Variants in KIF26B observed in about 807,000 individuals in gnomAD.
KIF26B encodes kinesin family member 26B, also known as kinesin-like protein KIF26B.
In KIF26B, 63 loss-of-function variants were observed where a neutral mutation model predicts 151.2. The observed-to-expected ratio is 0.42, with a 90% CI of 0.34 to 0.51. The LOEUF is 0.51. KIF26B is among the 20% of genes least tolerant of loss of function. The pLI is 0.07. For synonymous variants in KIF26B, 1,357 were observed against 1,262.1 expected (o/e 1.08, Z -1.59); for missense variants, 2,813 against 2,913.6 (o/e 0.97, Z 0.79).
intron 2 of KIF26B, among the ~76,000 whole-genome samples, chr1:245,250,417 A>C (rs1015472995): frequency 1.3e-5 from 2 of 152,180 alleles, no homozygotes; most frequent in African/African-American, 4.8e-5. Flanking sequence ...CTGTACCTTG[A>C]TTTACTTAGC....
intron 2 of KIF26B, among the ~76,000 whole-genome samples, chr1:245,161,499 C>A (rs1001606658): frequency 6.6e-6 from 1 of 152,206 alleles, no homozygotes; most frequent in Non-Finnish European, 1.5e-5. Flanking sequence ...GAGGCAACAT[C>A]AGTTGCCATT....
chr1:245,653,721 G>A (rs2044044230), intron 10 of KIF26B, among the ~76,000 whole-genome samples: 1 of 152,100 alleles, frequency 6.6e-6, no homozygotes, highest in Non-Finnish European at 1.5e-5. Context: ...GTACAACAGA[G>A]GATCAAACAT....
chr1:245,327,676 G>T (rs1672017705), intron 2 of KIF26B, among the ~76,000 whole-genome samples: 1 of 152,196 alleles, frequency 6.6e-6, no homozygotes, highest in African/African-American at 2.4e-5. Context: ...GTCCCTGGAA[G>T]AGTCAAGAAC....
In KIF26B at chr1:245,654,508, C is replaced by A. The variant is rs374706949; in HGVS notation, c.2258+8228C>A. ...GAGGGTATCCTCTCAGAAAGCTTCA[C>A]CCTATTTCATGAGCCTTTAATAAAA... On this transcript the variant is annotated intron_variant, in intron 10 of 14. Coordinates refer to ENST00000407071, the MANE Select transcript of KIF26B (RefSeq NM_018012.4). Among the ~76,000 whole-genome samples, 14 of 152,226 alleles carry A rather than the reference C, an allele frequency of 9.2e-5. 1 individual carries two copies. The highest frequency in any genetic ancestry group is 3.9e-4 in the East Asian group (2 of 5,166).
At chr1:245,673,031 GCCATCTTA>G (rs2044308512) in intron 10 of KIF26B, among the ~76,000 whole-genome samples, 2 of 151,930 alleles carry the variant, frequency 1.3e-5, no homozygotes, top group African/African-American at 4.8e-5. Context: ...ACGGCGCGCT[GCCATCTTA>G]GGCCCAGTCC....
intron 4 of KIF26B, among the ~76,000 whole-genome samples, chr1:245,532,863 G>T (rs1661405011): frequency 6.6e-6 from 1 of 152,190 alleles, no homozygotes; most frequent in African/African-American, 2.4e-5. Flanking sequence ...GGTGAAGGTG[G>T]ATGCTCTTAT....
In KIF26B at chr1:245,684,153, G is replaced by T. The variant is rs72764846; in HGVS notation, c.2259-80G>T. On this transcript the variant is annotated intron_variant, in intron 10 of 14. Coordinates refer to ENST00000407071, the MANE Select transcript of KIF26B (RefSeq NM_018012.4). ...GACCACCACCCACAACAAAATGGCC[G>T]TGTGCAGGCCTGAAGCCCTGCCCTG... The T allele has an allele frequency of 1.9e-5, 28 of 1,465,010 alleles. No homozygotes were observed. The African/African-American group carries it at 3.5e-4, about 18-fold the overall frequency. 90.8% of individuals were successfully genotyped at this position (1,465,010 alleles called of 1,614,324 possible).
intron 3 of KIF26B, among the ~76,000 whole-genome samples, chr1:245,383,045 A>ATGTATATATATG (rs989182154): frequency 3.6e-4 from 54 of 149,256 alleles, no homozygotes; most frequent in African/African-American, 1.3e-3. Flanking sequence ...ATATGTATAT[A>ATGTATATATATG]TATATATACA....
intron 3 of KIF26B, among the ~76,000 whole-genome samples, chr1:245,396,151 ATT>A (rs1397709511): frequency 1.3e-5 from 2 of 152,134 alleles, no homozygotes; most frequent in Non-Finnish European, 2.9e-5. Context: ...GGTTTCCAAA[ATT>A]TATGAAGCCA....
chr1:245,559,388 C>A (rs185727062), intron 5 of KIF26B, among the ~76,000 whole-genome samples: 2 of 152,026 alleles, frequency 1.3e-5, no homozygotes, highest in Non-Finnish European at 2.9e-5. Context: ...GTTTTTACTA[C>A]GGTGAGTAAC....
chr1:245,539,148 CT>C (rs367884318), intron 4 of KIF26B, among the ~76,000 whole-genome samples: 6 of 152,146 alleles, frequency 3.9e-5, no homozygotes, highest in African/African-American at 1.4e-4. Context: ...TCTCTTCCCC[CT>C]GTATTTCACT....
At chr1:245,458,747 C>T (rs776966588) in intron 4 of KIF26B, among the ~76,000 whole-genome samples, 3 of 152,198 alleles carry the variant, frequency 2.0e-5, no homozygotes, top group East Asian at 3.8e-4. Flanking sequence ...TAACACGGGA[C>T]TCAGTCTTCT....
intron 10 of KIF26B, among the ~76,000 whole-genome samples, chr1:245,653,888 C>T (rs1035379101): frequency 1.3e-4 from 14 of 110,618 alleles, no homozygotes; most frequent in Admixed American, 9.5e-4. Flanking sequence ...AAGGAGACCT[C>T]GTCTCCACAA....
At chr1:245,435,480 C>G (rs1382400376) in intron 4 of KIF26B, among the ~76,000 whole-genome samples, 1 of 152,206 alleles carries the variant, frequency 6.6e-6, no homozygotes, top group Non-Finnish European at 1.5e-5. Context: ...AGTCCATTGC[C>G]TGTCTCCCTT....
chr1:245,604,362 C>T (rs2043427641), intron 6 of KIF26B, among the ~76,000 whole-genome samples: 1 of 152,198 alleles, frequency 6.6e-6, no homozygotes, highest in Non-Finnish European at 1.5e-5. Flanking sequence ...ACACCGTGGG[C>T]ACACAGCACA....
Position 245,606,356 on chromosome 1 carries a change from C to T in KIF26B, c.1558-1295C>T, listed in dbSNP as rs1039785501. On this transcript the variant is annotated intron_variant, in intron 6 of 14. Coordinates refer to ENST00000407071, the MANE Select transcript of KIF26B (RefSeq NM_018012.4). The surrounding 1 kb of genome is among the most constrained non-coding windows in gnomAD (Gnocchi z 4.6). ...CGGCCCAGGTGCCCACCGGGAGGCACGCTGCCCCGAGGGCTGCAAAGCCCC... is the reference window on the plus strand; with the variant it reads ...CGGCCCAGGTGCCCACCGGGAGGCATGCTGCCCCGAGGGCTGCAAAGCCCC... 1.3e-5 allele frequency among the ~76,000 whole-genome samples: 2 copies of T among 151,990 alleles called. No individual in the cohort carries two copies. The highest frequency in any genetic ancestry group is 6.5e-5 in the Admixed American group (1 of 15,292).
At chr1:245,503,204 TTTTAAAAG>T (rs1177520756) in intron 4 of KIF26B, among the ~76,000 whole-genome samples, 1 of 152,180 alleles carries the variant, frequency 6.6e-6, no homozygotes, top group Non-Finnish European at 1.5e-5. Flanking sequence ...CTGATTTGTC[TTTTAAAAG>T]TTACATCTAG....
At chr1:245,202,525 A>G (rs1669318070) in intron 2 of KIF26B, among the ~76,000 whole-genome samples, 1 of 151,330 alleles carries the variant, frequency 6.6e-6, no homozygotes, top group South Asian at 2.1e-4. Context: ...TTGGGGGGCC[A>G]AGGCGGGAGG....
intron 2 of KIF26B, among the ~76,000 whole-genome samples, chr1:245,232,222 A>T (rs1037987522): frequency 6.6e-6 from 1 of 152,228 alleles, no homozygotes; most frequent in Non-Finnish European, 1.5e-5. Context: ...GCAGCTCTAG[A>T]CGCCAAATTT....
Sources: allele counts gnomAD v4.1 joint callset (sites outside exome capture counted in the v4.1 genomes callset), GRCh38; gene constraint gnomAD v4.1.1; non-coding constraint Gnocchi (gnomAD v3.1); transcripts MANE v1.5; gene names NCBI Gene and HGNC (gene_info 2026-07-23, HGNC 2026-07-21).